Variants in XKR9 observed in about 807,000 individuals in gnomAD.
The protein encoded by XKR9 is XK related 9.
Under a neutral mutation model 32.0 loss-of-function variants are expected in XKR9, and 32 were observed. That is an observed-to-expected ratio of 1.00 (90% CI 0.76 to 1.34). The LOEUF is 1.34. XKR9 is among the 40% of genes most tolerant of loss of function. XKR9 has a pLI of 0.00. For missense variants in XKR9, 546 were observed against 429.7 expected (o/e 1.27, Z -2.39); for synonymous variants, 168 against 143.4 (o/e 1.17, Z -1.22).
intron 2 of XKR9, among the ~76,000 whole-genome samples, chr8:70,768,358 A>G (rs1299307836): frequency 6.6e-6 from 1 of 152,186 alleles, no homozygotes; most frequent in Non-Finnish European, 1.5e-5. Flanking sequence ...TCAATTTTAG[A>G]ATAAGTGCTA....
Position 70,694,339 on chromosome 8 carries a change from A to G in XKR9, c.273-12594A>G, listed in dbSNP as rs1441690973. Among the ~76,000 whole-genome samples the G allele has an allele frequency of 2.0e-5, 3 of 152,116 alleles. No homozygotes were observed. In the East Asian group the frequency reaches 5.8e-4, roughly 29 times the overall value. ...GCCTCAGACACTCTGAAGCCCAAAGACTGGAATGGCTAAGTTGCCCAAACA... is the reference window on the plus strand; with the variant it reads ...GCCTCAGACACTCTGAAGCCCAAAGGCTGGAATGGCTAAGTTGCCCAAACA... On this transcript the variant is annotated intron_variant, in intron 3 of 4. Transcript: ENST00000408926.
the XKR9 span, among the ~76,000 whole-genome samples, chr8:71,061,857 AT>A: frequency 2.0e-5 from 3 of 152,214 alleles, no homozygotes. Context: ...ACATCCTAGT[AT>A]ATTTAGGGTG....
the XKR9 span, among the ~76,000 whole-genome samples, chr8:70,864,437 A>G: frequency 1.3e-5 from 2 of 152,216 alleles, no homozygotes; most frequent in East Asian, 1.9e-4. Flanking sequence ...ATGGACAAAG[A>G]TAATGAAATC....
At chr8:70,713,805 A>T (rs539897421) in intron 4 of XKR9, among the ~76,000 whole-genome samples, 1 of 152,188 alleles carries the variant, frequency 6.6e-6, no homozygotes, top group East Asian at 1.9e-4. Context: ...AAGCAAAAAC[A>T]TTTAGAGAGA....
chr8:70,741,417 C>G (rs376343372), intron 2 of XKR9, among the ~76,000 whole-genome samples: 1 of 152,280 alleles, frequency 6.6e-6, no homozygotes, highest in Non-Finnish European at 1.5e-5. Flanking sequence ...GTGAAGTAAA[C>G]TTTTCTTTAT....
chr8:70,675,233 C>G (rs1374574657), intron 2 of XKR9, among the ~76,000 whole-genome samples: 1 of 152,092 alleles, frequency 6.6e-6, no homozygotes, highest in African/African-American at 2.4e-5. Flanking sequence ...CGAAATCAGC[C>G]TGCCCAATAT....
chr8:70,830,714 G>C, the XKR9 span, among the ~76,000 whole-genome samples: 4 of 152,156 alleles, frequency 2.6e-5, no homozygotes, highest in Non-Finnish European at 5.9e-5. Context: ...GCATACTATA[G>C]TTTACAAAAC....
At chr8:70,995,271 G>T in the XKR9 span, among the ~76,000 whole-genome samples, 2 of 152,160 alleles carry the variant, frequency 1.3e-5, no homozygotes, top group Admixed American at 6.5e-5. Context: ...TGTAGCCTCT[G>T]CCCATGTCCA....
the XKR9 span, among the ~76,000 whole-genome samples, chr8:70,935,118 TATAC>T: frequency 4.1e-5 from 6 of 147,144 alleles, no homozygotes; most frequent in African/African-American, 5.0e-5. Flanking sequence ...TATATATATA[TATAC>T]ACACACACAC....
the XKR9 span, among the ~76,000 whole-genome samples, chr8:71,049,302 A>C: frequency 6.6e-6 from 1 of 152,242 alleles, no homozygotes; most frequent in Non-Finnish European, 1.5e-5. Context: ...AATTTACAAT[A>C]TTGGTAGAAA....
At chr8:70,809,099 T>TC in the XKR9 span, among the ~76,000 whole-genome samples, 2 of 152,210 alleles carry the variant, frequency 1.3e-5, no homozygotes, top group African/African-American at 4.8e-5. Flanking sequence ...AGACAAAACT[T>TC]CCAGGGGAAC....
intron 3 of XKR9, among the ~76,000 whole-genome samples, chr8:70,686,355 AC>A (rs1208433796): frequency 6.7e-6 from 1 of 148,684 alleles, no homozygotes; most frequent in Non-Finnish European, 1.5e-5. Context: ...TGATCCTCCC[AC>A]TTCAGCCCCA....
the XKR9 span, among the ~76,000 whole-genome samples, chr8:70,812,243 C>A: frequency 1.3e-5 from 2 of 152,060 alleles, no homozygotes; most frequent in African/African-American, 4.8e-5. Flanking sequence ...ATTCAACAAC[C>A]CTTCATGGTA....
chr8:70,856,374 C>G, the XKR9 span, among the ~76,000 whole-genome samples: 7 of 150,632 alleles, frequency 4.6e-5, no homozygotes, highest in South Asian at 2.1e-4. Flanking sequence ...TCAAAAGAGA[C>G]AAGGCCATTA....
intron 4 of XKR9, among the ~76,000 whole-genome samples, chr8:70,713,475 TACCATAGTGTATCCCC>T (rs1462809870): frequency 6.6e-6 from 1 of 152,132 alleles, no homozygotes; most frequent in Non-Finnish European, 1.5e-5. Context: ...AAGAAATTCA[TACCATAGTGTATCCCC>T]ACCAGAGGAA....
the XKR9 span, among the ~76,000 whole-genome samples, chr8:70,865,557 T>G: frequency 4.6e-5 from 7 of 152,244 alleles, no homozygotes; most frequent in Non-Finnish European, 1.0e-4. Context: ...CAATTGTAAT[T>G]ATAATGGTGT....
At chr8:70,852,652 T>C in the XKR9 span, among the ~76,000 whole-genome samples, 19 of 152,294 alleles carry the variant, frequency 1.2e-4, no homozygotes, top group African/African-American at 4.6e-4. Flanking sequence ...ATATACACCA[T>C]GGAATACTAT....
At chr8:70,941,448 CAGT>C in the XKR9 span, among the ~76,000 whole-genome samples, 14 of 152,028 alleles carry the variant, frequency 9.2e-5, no homozygotes, top group Non-Finnish European at 2.1e-4. Context: ...ATACTTAAAA[CAGT>C]CATATACCAG....
At chr8:70,787,073 A>T (rs1048464059) in intron 2 of XKR9, among the ~76,000 whole-genome samples, 1 of 152,140 alleles carries the variant, frequency 6.6e-6, no homozygotes, top group Non-Finnish European at 1.5e-5. Flanking sequence ...GTTTAGAACT[A>T]ATCCTGGAGC....
Sources: allele counts gnomAD v4.1 joint callset (sites outside exome capture counted in the v4.1 genomes callset), GRCh38; gene constraint gnomAD v4.1.1; transcripts MANE v1.5; gene names NCBI Gene and HGNC (gene_info 2026-07-23, HGNC 2026-07-21).